The following PCDHA5 variants were observed in gnomAD, a reference collection of about 807,000 sequenced individuals.
The protein encoded by PCDHA5 is protocadherin alpha 5, also known as protocadherin alpha-5.
In PCDHA5, 43 loss-of-function variants were observed where a neutral mutation model predicts 61.6. The observed-to-expected ratio is 0.70, with a 90% confidence interval of 0.55 to 0.90. PCDHA5 has a LOEUF of 0.90. Among genes scored for constraint, PCDHA5 ranks in the 40% least tolerant of loss-of-function variants. The pLI, the probability that PCDHA5 is intolerant of heterozygous loss-of-function variation, is 0.00. For synonymous variants in PCDHA5, 627 were observed against 543.9 expected (o/e 1.15, Z -2.13); for missense variants, 1,298 against 1,222.7 (o/e 1.06, Z -0.92).
At chr5:140,900,130 C>T (rs1156261230) in intron 1 of PCDHA5, among the ~76,000 whole-genome samples, 1 of 152,084 alleles carries the variant, frequency 6.6e-6, no homozygotes, top group East Asian at 1.9e-4. Flanking sequence ...TTTTAGGTAC[C>T]ACAAATAAGT....
chr5:140,831,844 G>A (rs547068753), intron 1 of PCDHA5, among the ~76,000 whole-genome samples: 1 of 152,224 alleles, frequency 6.6e-6, no homozygotes, highest in South Asian at 2.1e-4. Context: ...TGATAGAATT[G>A]TCATAAAGCT....
At chr5:140,853,407 GA>G (rs1453850147) in intron 1 of PCDHA5, 1 of 986,146 alleles carries the variant, frequency 1.0e-6, no homozygotes, top group African/African-American at 1.8e-5. Flanking sequence ...TCAAAACAGA[GA>G]GGTGAAAGCA....
chr5:140,929,428 G>A, intron 1 of PCDHA5: 1 of 1,491,484 alleles, frequency 6.7e-7, no homozygotes. Flanking sequence ...TTCATCAATT[G>A]AACTAAACAC....
chr5:140,986,834 C>T (rs2097214742), intron 3 of PCDHA5, among the ~76,000 whole-genome samples: 1 of 152,104 alleles, frequency 6.6e-6, no homozygotes. Context: ...CAATGGTTCT[C>T]AAAGGGGCAG....
intron 1 of PCDHA5, chr5:140,868,892 A>G (rs1450985948): frequency 3.9e-6 from 3 of 760,982 alleles, no homozygotes; most frequent in Non-Finnish European, 4.1e-6. Context: ...TTTTAGGCGC[A>G]AGGTGTCGCT....
Position 140,823,960 on chromosome 5 carries a change from G to A in PCDHA5, c.2185G>A (p.Ala729Thr), listed in dbSNP as rs2150130834. The A allele has an allele frequency of 6.2e-7, 1 of 1,614,104 alleles. No homozygotes were observed. The highest frequency in any genetic ancestry group is 1.1e-5 in the South Asian group (1 of 91,076). ...ALRCSAQPTE[A>T]VCTRGKPTLL... is the part of the protein sequence containing the mutation. ...GCGGTGCTCGGCGCAGCCCACCGAGGCCGTGTGCACACGGGGCAAGCCCAC... is the reference window on the plus strand; with the variant it reads ...GCGGTGCTCGGCGCAGCCCACCGAGACCGTGTGCACACGGGGCAAGCCCAC... Residue 729 changes from alanine to threonine, a missense_variant, in exon 1 of 4, where the codon GCC (alanine) becomes ACC (threonine). By Grantham distance (58) the Ala-to-Thr change is moderately conservative (BLOSUM62 0). Coordinates refer to ENST00000529859, the MANE Select transcript of PCDHA5 (RefSeq NM_018908.3).
chr5:140,955,386 G>T (rs942993673), intron 1 of PCDHA5, among the ~76,000 whole-genome samples: 4 of 152,080 alleles, frequency 2.6e-5, no homozygotes, highest in African/African-American at 9.7e-5. Flanking sequence ...AATCATGGGG[G>T]CAATTATCCC....
chr5:140,917,030 G>A (rs1220107705), intron 1 of PCDHA5, among the ~76,000 whole-genome samples: 3 of 152,164 alleles, frequency 2.0e-5, no homozygotes, highest in Non-Finnish European at 4.4e-5. Context: ...GCTGCTGGCT[G>A]AGTCCAGCAC....
chr5:140,917,327 G>C (rs1219338384), intron 1 of PCDHA5, among the ~76,000 whole-genome samples: 1 of 149,420 alleles, frequency 6.7e-6, no homozygotes, highest in African/African-American at 2.5e-5. Flanking sequence ...CATGTGGCGG[G>C]GGAGGGGGGG....
At chr5:140,899,175 C>G (rs1219166721) in intron 1 of PCDHA5, among the ~76,000 whole-genome samples, 2 of 152,034 alleles carry the variant, frequency 1.3e-5, no homozygotes, top group African/African-American at 4.8e-5. Flanking sequence ...AATTGAATAC[C>G]CTTTATTTCC....
intron 1 of PCDHA5, chr5:140,856,399 T>C (rs782023286): frequency 6.3e-7 from 1 of 1,598,492 alleles, no homozygotes; most frequent in Non-Finnish European, 8.6e-7. Context: ...AGGTTTTCCA[T>C]GTGGACGTGG....
chr5:140,848,947 G>T lies in PCDHA5; in HGVS notation c.2352+24820G>T, dbSNP rs201305186. ...GCGGAATCCAGGCCGCTTGACTCTC[G>T]GTTTCCACTAGAGGGCGCGTCCGAT... is the stretch of plus-strand genomic sequence containing the variant. On this transcript the variant is annotated intron_variant, in intron 1 of 3. Coordinates refer to ENST00000529859, the MANE Select transcript of PCDHA5 (RefSeq NM_018908.3). 2.7e-4 allele frequency: 426 copies of T among 1,606,834 alleles called. 2 individuals are homozygous for T. The highest frequency in any genetic ancestry group is 3.5e-4 in the Non-Finnish European group (408 of 1,176,678).
Position 140,871,315 on chromosome 5 carries a change from CT to C in PCDHA5, c.2352+47189del, listed in dbSNP as rs1352668242. On this transcript the variant is annotated intron_variant, in intron 1 of 3. Transcript: ENST00000529859. ...CGCGTGCGCGCCGGGGAAGCCCACGCTGGTGTGCTCCCGCGCGGTGGGGAGC... is the reference window on the plus strand; with the variant it reads ...CGCGTGCGCGCCGGGGAAGCCCACGCGGTGTGCTCCCGCGCGGTGGGGAGC... The C allele has an allele frequency of 8.1e-6, 13 of 1,613,928 alleles. No homozygotes were observed. In the Admixed American group the frequency reaches 2.0e-4, roughly 25 times the overall value.
At chr5:140,941,196 TTTCTTC>T (rs1563183935) in intron 1 of PCDHA5, among the ~76,000 whole-genome samples, 3 of 111,280 alleles carry the variant, frequency 2.7e-5, no homozygotes, top group East Asian at 2.3e-4. Context: ...TTTTTTTTTC[TTTCTTC>T]CTTTCTTTCT....
intron 1 of PCDHA5, chr5:140,969,386 C>T (rs782109093): frequency 2.5e-6 from 4 of 1,596,966 alleles, no homozygotes; most frequent in South Asian, 1.1e-5. Flanking sequence ...TACACATCCC[C>T]CAATATCCTG....
intron 1 of PCDHA5, among the ~76,000 whole-genome samples, chr5:140,918,303 G>C (rs2078625601): frequency 6.6e-6 from 1 of 152,112 alleles, no homozygotes; most frequent in Non-Finnish European, 1.5e-5. Flanking sequence ...AGAATATAGG[G>C]TTTTCTAGGT....
At chr5:140,994,515 C>T (rs1450335712) in intron 3 of PCDHA5, among the ~76,000 whole-genome samples, 1 of 150,120 alleles carries the variant, frequency 6.7e-6, no homozygotes, top group African/African-American at 2.5e-5. Flanking sequence ...ACAGCCTGGG[C>T]AACATGGCAA....
intron 1 of PCDHA5, among the ~76,000 whole-genome samples, chr5:140,903,594 A>G (rs868958257): frequency 3.3e-5 from 5 of 152,238 alleles, no homozygotes; most frequent in South Asian, 2.1e-4. Flanking sequence ...TTGGCCTGAT[A>G]AATGCTTAAT....
At chr5:140,912,897 G>T (rs782442093) in intron 1 of PCDHA5, among the ~76,000 whole-genome samples, 1 of 152,290 alleles carries the variant, frequency 6.6e-6, no homozygotes, top group East Asian at 1.9e-4. Context: ...TTGATATGAT[G>T]TATCATATTG....
Sources: gnomAD v4.1 joint callset for allele counts (sites outside exome capture counted in the v4.1 genomes callset) on GRCh38, gnomAD v4.1.1 for gene constraint, MANE v1.5 for transcripts, NCBI Gene and HGNC (gene_info 2026-07-23, HGNC 2026-07-21) for gene names.